Variants in BRCA2 observed in about 807,000 individuals in gnomAD.
BRCA2 encodes the protein breast cancer type 2 susceptibility protein.
Under a neutral mutation model 276.7 loss-of-function variants are expected in BRCA2, and 203 were observed. The observed-to-expected ratio is 0.73, with a 90% CI of 0.65 to 0.82. The LOEUF is 0.82. Among genes scored for constraint, BRCA2 ranks in the 40% least tolerant of loss-of-function variants. The pLI is 0.00. For synonymous variants in BRCA2, 1,289 were observed against 1,338.4 expected (o/e 0.96, Z 0.81); for missense variants, 3,920 against 3,915.0 (o/e 1.00, Z -0.03).
Position 32,339,906 on chromosome 13 carries a change from A to T in BRCA2, c.5551A>T (p.Ile1851Phe), listed in dbSNP as rs1555284265. 1 of 1,609,198 alleles carries T rather than the reference A, an allele frequency of 6.2e-7. No individual in the cohort carries two copies. The change falls in exon 11 of 27, where the codon ATC becomes TTC. Residue 1851 changes from isoleucine to phenylalanine, a missense_variant. By Grantham distance (21) the Ile-to-Phe change is conservative. Coordinates refer to ENST00000380152, the MANE Select transcript of BRCA2 (RefSeq NM_000059.4). ...PPAFRIASGK[I>F]VCVSHETIKK... ...TGCATTTAGGATAGCCAGTGGTAAA[A>T]TCGTTTGTGTTTCACATGAAACAAT...
At chr13:32,384,500 G>A (rs779763235) in intron 24 of BRCA2, among the ~76,000 whole-genome samples, 2 of 152,166 alleles carry the variant, frequency 1.3e-5, no homozygotes, top group Non-Finnish European at 2.9e-5. Flanking sequence ...TATAGCAGGT[G>A]TATATATTTA....
At chr13:32,366,515 A>G (rs1337721302) in intron 18 of BRCA2, among the ~76,000 whole-genome samples, 5 of 152,142 alleles carry the variant, frequency 3.3e-5, no homozygotes, top group Non-Finnish European at 7.4e-5. Flanking sequence ...CTCGAGATCT[A>G]TATTATCTTT....
chr13:32,341,617 T>G (rs1402533233), intron 11 of BRCA2, among the ~76,000 whole-genome samples: 1 of 152,212 alleles, frequency 6.6e-6, no homozygotes, highest in African/African-American at 2.4e-5. Context: ...CTTTAAAAGT[T>G]GGTTTCCGGG....
chr13:32,363,912 T>C (rs1471053800), intron 18 of BRCA2, among the ~76,000 whole-genome samples: 1 of 152,198 alleles, frequency 6.6e-6, no homozygotes, highest in Admixed American at 6.5e-5. Flanking sequence ...TTTATCTCTA[T>C]GTAGATTTTA....
At position 32,363,204 on chromosome 13, in the gene BRCA2, A is replaced by T. The variant is rs276174900; in HGVS notation, c.8002A>T (p.Arg2668Ter). 1 of 1,613,846 alleles carries T rather than the reference A, an allele frequency of 6.2e-7. No homozygotes were observed. Among genetic ancestry groups the T allele is most frequent in the Non-Finnish European group, 8.5e-7 (1 of 1,179,938 alleles). ...ATATGATACGGAAATTGATAGAAGC[A>T]GAAGATCGGCTATAAAAAAGATAAT... ...YRYDTEIDRS[R>*]RSAIKKIMER... Residue 2668 changes from arginine to a stop codon, truncating the protein, a stop_gained, in exon 18 of 27, where the codon AGA becomes TGA. Coordinates refer to ENST00000380152, the MANE Select transcript of BRCA2 (RefSeq NM_000059.4). LOFTEE classifies it high-confidence loss of function.
chr13:32,387,760 A>C (rs1057236671), intron 24 of BRCA2, among the ~76,000 whole-genome samples: 1 of 152,168 alleles, frequency 6.6e-6, no homozygotes, highest in African/African-American at 2.4e-5. Flanking sequence ...GAAGTCTTTG[A>C]TCTTTCTTAT....
At chr13:32,318,837 T>A (rs971747455) in intron 2 of BRCA2, among the ~76,000 whole-genome samples, 2 of 152,226 alleles carry the variant, frequency 1.3e-5, no homozygotes, top group African/African-American at 4.8e-5. Context: ...TAAAAGCTAA[T>A]ATATACAGCT....
chr13:32,377,459 A>C lies in BRCA2; in HGVS notation c.8754+668A>C, dbSNP rs9526148. ...ATACAAAATTAGCCAGGCGTGGTGC[A>C]CATGCCTGTAATCCCAGCTGTTCGG... is the stretch of plus-strand genomic sequence containing the variant. On this transcript the variant is annotated intron_variant, in intron 21 of 26. Coordinates refer to ENST00000380152, the MANE Select transcript of BRCA2 (RefSeq NM_000059.4). Among the ~76,000 whole-genome samples, 38,547 of 151,864 alleles carry C rather than the reference A, an allele frequency of 0.25. 5,128 individuals are homozygous for C. Among genetic ancestry groups the C allele is most frequent in the Non-Finnish European group, 0.27 (18,142 of 67,918 alleles).
intron 16 of BRCA2, 140 bp downstream of exon 16, chr13:32,358,069 A>C (rs2072713445): frequency 1.1e-6 from 1 of 875,020 alleles, no homozygotes; most frequent in South Asian, 1.6e-5. Flanking sequence ...CATTATGGTT[A>C]AGCATTCTGT....
At chr13:32,381,901 C>T (rs911603654) in intron 24 of BRCA2, among the ~76,000 whole-genome samples, 26 of 151,976 alleles carry the variant, frequency 1.7e-4, no homozygotes, top group African/African-American at 4.4e-4. Context: ...GGTAGGGGGA[C>T]GGTGCAGGAT....
In BRCA2 at chr13:32,326,299, G is replaced by C. The variant is rs765435155; in HGVS notation, c.516+17G>C. ...TTTGTGAAGGTAAATATTCTACCTG[G>C]TTTATTTTTATGACTTAGTAATTGA... On this transcript the variant is annotated intron_variant, in intron 6 of 26. Coordinates refer to ENST00000380152, the MANE Select transcript of BRCA2 (RefSeq NM_000059.4). The C allele has an allele frequency of 6.2e-7, 1 of 1,608,402 alleles. No homozygotes were observed. Among genetic ancestry groups the C allele is most frequent in the African/African-American group, 1.3e-5 (1 of 74,870 alleles).
chr13:32,359,222 G>GAAAAAAAAAAAAAAAAAAAAAAAAA (rs67041705), intron 16 of BRCA2, among the ~76,000 whole-genome samples: 1 of 107,432 alleles, frequency 9.3e-6, no homozygotes, highest in Non-Finnish European at 1.8e-5. Flanking sequence ...TCCATCTCAA[G>GAAAAAAAAAAAAAAAAAAAAAAAAA]AAAAAAAAAA....
chr13:32,330,907 T>C lies in BRCA2; in HGVS notation c.682-12T>C, dbSNP rs780608070. On this transcript the variant is annotated splice_polypyrimidine_tract_variant and intron_variant, in intron 8 of 26. Transcript: ENST00000380152. ...TTTTTATACTAGTGATTTTAAACTA[T>C]AATTTTTGCAGAATGTGAAAAGCTA... is the stretch of plus-strand genomic sequence containing the variant. The C allele has an allele frequency of 2.6e-6, 4 of 1,526,668 alleles. No individual in the cohort carries two copies. The South Asian group carries it at 4.5e-5, about 17-fold the overall frequency. 94.6% of individuals were successfully genotyped at this position (1,526,668 alleles called of 1,614,324 possible).
In BRCA2 at chr13:32,338,519, T is replaced by A. The variant is rs936414023; in HGVS notation, c.4164T>A (p.Thr1388=). 6 of 1,603,184 alleles carry A rather than the reference T, an allele frequency of 3.7e-6. No homozygotes were observed. The highest frequency in any genetic ancestry group is 3.4e-6 in the Non-Finnish European group (4 of 1,176,988). The change falls in exon 11 of 27, where the codon ACT becomes ACA. Residue 1388 remains threonine (T), a synonymous_variant. Transcript: ENST00000380152. The part of the protein sequence containing the change: ...TQIKEDLSDL[T]FLEVAKAQEA... ...TTAAAGAAGATTTGTCAGATTTAAC[T>A]TTTTTGGAAGTTGCGAAAGCTCAAG...
rs431825311 is a variant in BRCA2, at chr13:32,338,055, C to T, written c.3700C>T (p.Leu1234=). Residue 1234 remains leucine (L), a synonymous_variant, in exon 11 of 27, where the codon CTG becomes TTG. Transcript: ENST00000380152. The part of the protein sequence containing the change: ...GTKLNVSTEA[L]QKAVKLFSDI... ...AAAACTGAATGTTTCTACTGAAGCT[C>T]TGCAAAAAGCTGTGAAACTGTTTAG... is the stretch of plus-strand genomic sequence containing the variant. The T allele has an allele frequency of 6.2e-7, 1 of 1,610,716 alleles. No homozygotes were observed.
intron 15 of BRCA2, 64 bp from the exon 16 acceptor site, chr13:32,357,678 T>G: frequency 6.5e-7 from 1 of 1,527,018 alleles, no homozygotes; most frequent in Non-Finnish European, 8.9e-7. Context: ...ATAATTGTTT[T>G]TATTGTGTGA....
In BRCA2 at chr13:32,370,445, T is replaced by C. The variant is rs28897751; in HGVS notation, c.8375T>C (p.Leu2792Pro). ...STRPARWYTKLGFFPDPRPFP... is the reference protein window; with the variant it reads ...STRPARWYTKPGFFPDPRPFP... ...CGGCCTGCTCGCTGGTATACCAAAC[T>C]TGGATTCTTTCCTGACCCTAGACCT... Residue 2792 changes from leucine (L) to proline (P), a missense_variant, in exon 19 of 27, where the codon CTT becomes CCT. Physicochemically the swap from Leu to Pro is moderately conservative, Grantham distance 98 (BLOSUM62 -3). Transcript: ENST00000380152. The C allele has an allele frequency of 6.2e-7, 1 of 1,613,924 alleles. No individual in the cohort carries two copies. Among genetic ancestry groups the C allele is most frequent in the Non-Finnish European group, 8.5e-7 (1 of 1,179,900 alleles).
rs1044419895 is a variant in BRCA2 at position 32,319,222 on chromosome 13, T to C, written c.213T>C (p.Tyr71=). The stretch of plus-strand genomic sequence containing the variant: ...AAACTCCACAAAGGAAACCATCTTA[T>C]AATCAGCTGGCTTCAACTCCAATAA... ...LFKTPQRKPS[Y]NQLASTPIIF... The change falls in exon 3 of 27, where the codon TAT becomes TAC. Residue 71 remains tyrosine (Y), a synonymous_variant. Coordinates refer to ENST00000380152, the MANE Select transcript of BRCA2 (RefSeq NM_000059.4). The C allele has an allele frequency of 6.2e-7, 1 of 1,613,926 alleles. No individual in the cohort carries two copies. The highest frequency in any genetic ancestry group is 8.5e-7 in the Non-Finnish European group (1 of 1,179,790).
chr13:32,329,638 G>T (rs1196885309), intron 8 of BRCA2, 146 bp downstream of exon 8: 3 of 674,942 alleles, frequency 4.4e-6, no homozygotes, highest in Non-Finnish European at 7.7e-6. Context: ...TCCTATATGT[G>T]ATTTTAACTT....
Sources: gnomAD v4.1 joint callset for allele counts (sites outside exome capture counted in the v4.1 genomes callset) on GRCh38, gnomAD v4.1.1 for gene constraint, MANE v1.5 for transcripts, NCBI Gene and HGNC (gene_info 2026-07-23, HGNC 2026-07-21) for gene names.